CIMAP2: variants seen among roughly 807,000 people sequenced by gnomAD.
CIMAP2 encodes the protein ciliary microtubule-associated protein 2.
chr1:54,811,765 G>GCCGGGGGGGCGGGGGGCCCCCCCCC, the CIMAP2 span: 1 of 1,301,332 alleles, frequency 7.7e-7, no homozygotes, highest in Non-Finnish European at 1.1e-6. Flanking sequence ...GGTTCTGACA[G>GCCGGGGGGGCGGGGGGCCCCCCCCC]CCTCCATGCC....
chr1:54,806,210 C>A, the CIMAP2 span: 1 of 1,536,956 alleles, frequency 6.5e-7, no homozygotes, highest in Non-Finnish European at 8.7e-7. Flanking sequence ...CTTCGGGGTG[C>A]AGAGCCACAG....
chr1:54,816,934 G>A, the CIMAP2 span: 2 of 1,606,182 alleles, frequency 1.2e-6, no homozygotes, highest in Non-Finnish European at 1.7e-6. Context: ...AGGAAGCCGA[G>A]ACACAGTCTC....
At chr1:54,806,211 A>G in the CIMAP2 span, 1 of 1,537,444 alleles carries the variant, frequency 6.5e-7, no homozygotes, top group South Asian at 1.2e-5. Flanking sequence ...TTCGGGGTGC[A>G]GAGCCACAGG....
chr1:54,826,728 T>C, the CIMAP2 span, among the ~76,000 whole-genome samples: 1 of 152,226 alleles, frequency 6.6e-6, no homozygotes, highest in African/African-American at 2.4e-5. Flanking sequence ...TTGCTCACCC[T>C]TTCTCCACAC....
At chr1:54,835,129 G>A in the CIMAP2 span, among the ~76,000 whole-genome samples, 59,982 of 152,092 alleles carry the variant, frequency 0.39, 12,560 homozygotes, top group East Asian at 0.53. Flanking sequence ...CCTCTGTAAC[G>A]ACAGTAATAA....
At chr1:54,827,722 A>G in the CIMAP2 span, among the ~76,000 whole-genome samples, 7 of 152,320 alleles carry the variant, frequency 4.6e-5, no homozygotes, top group East Asian at 1.2e-3. Context: ...TTTTGGAGGC[A>G]TGTTGCACAC....
the CIMAP2 span, chr1:54,813,802 T>C: frequency 6.3e-7 from 1 of 1,586,568 alleles, no homozygotes; most frequent in South Asian, 1.2e-5. Context: ...CCTTTTTCTC[T>C]CTTTTTCTTA....
At chr1:54,814,949 G>A in the CIMAP2 span, 4 of 1,614,186 alleles carry the variant, frequency 2.5e-6, no homozygotes, top group South Asian at 2.2e-5. Flanking sequence ...TTCCACAAGA[G>A]AAGAAATGCA....
At chr1:54,817,737 TGAAA>T in the CIMAP2 span, among the ~76,000 whole-genome samples, 1 of 150,208 alleles carries the variant, frequency 6.7e-6, no homozygotes, top group Non-Finnish European at 1.5e-5. Context: ...TTTTTTTTTT[TGAAA>T]TTATGGTGAG....
the CIMAP2 span, among the ~76,000 whole-genome samples, chr1:54,827,225 C>A: frequency 6.6e-6 from 1 of 152,218 alleles, no homozygotes; most frequent in African/African-American, 2.4e-5. Context: ...TCTAGTCCTT[C>A]CCCTTCTTGG....
At chr1:54,840,830 C>T in the CIMAP2 span, among the ~76,000 whole-genome samples, 2 of 152,178 alleles carry the variant, frequency 1.3e-5, no homozygotes, top group Non-Finnish European at 2.9e-5. Flanking sequence ...TGCTTAGTTC[C>T]TTAGATATTC....
chr1:54,818,923 T>C, the CIMAP2 span, among the ~76,000 whole-genome samples: 3 of 152,328 alleles, frequency 2.0e-5, no homozygotes, highest in South Asian at 4.1e-4. Context: ...AAGATGTTAA[T>C]TAAGTTTTCC....
the CIMAP2 span, chr1:54,811,765 G>GCCGGGGGGGGCGCCCCCCCCCCCCC: frequency 1.5e-6 from 2 of 1,301,332 alleles, no homozygotes; most frequent in Non-Finnish European, 2.2e-6. Flanking sequence ...GGTTCTGACA[G>GCCGGGGGGGGCGCCCCCCCCCCCCC]CCTCCATGCC....
At chr1:54,811,765 G>GCCGGGGGGGGGGGGCGCCCCCCCC in the CIMAP2 span, 5 of 1,301,330 alleles carry the variant, frequency 3.8e-6, no homozygotes, top group East Asian at 2.5e-5. Flanking sequence ...GGTTCTGACA[G>GCCGGGGGGGGGGGGCGCCCCCCCC]CCTCCATGCC....
At chr1:54,819,114 G>T in the CIMAP2 span, among the ~76,000 whole-genome samples, 561 of 152,298 alleles carry the variant, frequency 3.7e-3, 4 homozygotes, top group African/African-American at 0.012. Flanking sequence ...TCAAATGCCA[G>T]TGTCTCTAGG....
At chr1:54,806,079 C>A in the CIMAP2 span, 2 of 1,489,502 alleles carry the variant, frequency 1.3e-6, no homozygotes, top group Non-Finnish European at 8.9e-7. Flanking sequence ...CCCGGGTTGC[C>A]GTGGCAGCAG....
At chr1:54,807,455 T>C in the CIMAP2 span, 2 of 1,434,680 alleles carry the variant, frequency 1.4e-6, no homozygotes, top group African/African-American at 2.9e-5. Flanking sequence ...GGTGGTGGCT[T>C]GGTGAGGGCC....
chr1:54,840,179 C>A, the CIMAP2 span, among the ~76,000 whole-genome samples: 1 of 152,242 alleles, frequency 6.6e-6, no homozygotes, highest in South Asian at 2.1e-4. Context: ...CCTGGCAATT[C>A]TACCATCCCT....
At chr1:54,808,151 C>A in the CIMAP2 span, 1 of 880,806 alleles carries the variant, frequency 1.1e-6, no homozygotes, top group Non-Finnish European at 1.6e-6. Flanking sequence ...ATACACTGTC[C>A]TAGACCTTGG....
Sources: allele counts gnomAD v4.1 joint callset (sites outside exome capture counted in the v4.1 genomes callset), GRCh38; gene constraint gnomAD v4.1.1; transcripts MANE v1.5; gene names NCBI Gene and HGNC (gene_info 2026-07-23, HGNC 2026-07-21).